The following PAPPA2 variants were observed in gnomAD, a reference collection of about 807,000 sequenced individuals.
PAPPA2 encodes pappalysin-2.
PAPPA2 carries 86 observed loss-of-function variants against 176.4 expected under a neutral mutation model. The observed-to-expected ratio is 0.49, with a 90% CI of 0.41 to 0.58. The LOEUF (loss-of-function observed/expected upper bound fraction) is 0.58. Among genes scored for constraint, PAPPA2 ranks in the 20% least tolerant of loss-of-function variants. PAPPA2 has a pLI of 0.00. For missense variants in PAPPA2, 2,073 were observed against 2,256.9 expected (o/e 0.92, Z 1.65); for synonymous variants, 809 against 852.2 (o/e 0.95, Z 0.88).
chr1:176,794,976 G>A (rs1665361127), intron 20 of PAPPA2, among the ~76,000 whole-genome samples: 1 of 152,132 alleles, frequency 6.6e-6, no homozygotes, highest in African/African-American at 2.4e-5. Flanking sequence ...TGAGCAGTGG[G>A]ACCTGGCAGT....
chr1:176,641,734 G>A (rs2102728538), intron 3 of PAPPA2, among the ~76,000 whole-genome samples: 1 of 151,858 alleles, frequency 6.6e-6, no homozygotes, highest in Admixed American at 6.6e-5. Flanking sequence ...CCTATTTTTT[G>A]ACCATGAAAT....
At position 176,556,713 on chromosome 1, in the gene PAPPA2, G is replaced by A. The variant is rs1248652745; in HGVS notation, c.391G>A (p.Gly131Arg). 6 of 1,614,138 alleles carry A rather than the reference G, an allele frequency of 3.7e-6. No individual in the cohort carries two copies. The highest frequency in any genetic ancestry group is 5.1e-6 in the Non-Finnish European group (6 of 1,179,964). ...TGAAGAGCCGGCTGCCCCATGGGTA[G>A]GGGATAGTCCTATTGGGCAATCTGA... Reference protein sequence around the residue: ...AVEEPAAPWVGDSPIGQSELL... With the variant: ...AVEEPAAPWVRDSPIGQSELL... Residue 131 changes from glycine (G) to arginine (R), a missense_variant, in exon 2 of 23, where the codon GGG (glycine) becomes AGG (arginine). Gly to Arg is a moderately radical substitution (Grantham distance 125). Transcript: ENST00000367662.
intron 17 of PAPPA2, among the ~76,000 whole-genome samples, chr1:176,778,663 T>C (rs889859531): frequency 6.6e-6 from 1 of 152,222 alleles, no homozygotes; most frequent in Non-Finnish European, 1.5e-5. Context: ...GCCTATACAT[T>C]AATGAATAGG....
At chr1:176,467,722 C>A (rs997321793) in intron 1 of PAPPA2, among the ~76,000 whole-genome samples, 2 of 152,188 alleles carry the variant, frequency 1.3e-5, no homozygotes, top group African/African-American at 4.8e-5. Context: ...TTTATAAGGT[C>A]ACTAATTTGG....
chr1:176,746,387 C>T (rs1043315082), intron 14 of PAPPA2, among the ~76,000 whole-genome samples: 2 of 152,036 alleles, frequency 1.3e-5, no homozygotes, highest in African/African-American at 2.4e-5. Flanking sequence ...TTCCTGGCTT[C>T]AATACTGTTT....
At chr1:176,472,897 A>G (rs1227063880) in intron 1 of PAPPA2, among the ~76,000 whole-genome samples, 1 of 152,164 alleles carries the variant, frequency 6.6e-6, no homozygotes, top group African/African-American at 2.4e-5. Context: ...TTACATTAAT[A>G]GCAAAATTGA....
chr1:176,602,713 C>CAA (rs942903920), intron 3 of PAPPA2, among the ~76,000 whole-genome samples: 1 of 146,702 alleles, frequency 6.8e-6, no homozygotes, highest in East Asian at 2.0e-4. Flanking sequence ...AACTAAACAG[C>CAA]AAAAAAAAAA....
At chr1:176,508,355 C>A (rs1363158643) in intron 1 of PAPPA2, among the ~76,000 whole-genome samples, 2 of 151,988 alleles carry the variant, frequency 1.3e-5, no homozygotes, top group Non-Finnish European at 2.9e-5. Context: ...AATTTAAAAA[C>A]AGCTATTGTA....
chr1:176,784,062 C>A (rs1274940411), intron 17 of PAPPA2, among the ~76,000 whole-genome samples: 1 of 152,196 alleles, frequency 6.6e-6, no homozygotes, highest in Non-Finnish European at 1.5e-5. Context: ...GCTGTGCGAA[C>A]ATTGGGTAAA....
chr1:176,775,216 G>A (rs1188122940), intron 17 of PAPPA2, among the ~76,000 whole-genome samples: 1 of 152,098 alleles, frequency 6.6e-6, no homozygotes, highest in Non-Finnish European at 1.5e-5. Flanking sequence ...TTAGCATCGT[G>A]TGCCCAGTGA....
chr1:176,615,244 A>G (rs971618240), intron 3 of PAPPA2, among the ~76,000 whole-genome samples: 7 of 152,208 alleles, frequency 4.6e-5, no homozygotes, highest in Non-Finnish European at 1.0e-4. Context: ...ATTAACTGTA[A>G]GACTTTTTTG....
chr1:176,481,763 G>A (rs1018085191), intron 1 of PAPPA2, among the ~76,000 whole-genome samples: 2 of 152,178 alleles, frequency 1.3e-5, no homozygotes, highest in African/African-American at 4.8e-5. Flanking sequence ...GGAGTGCAGT[G>A]CCGCGATCTC....
At chr1:176,666,628 A>G (rs1266710287) in intron 3 of PAPPA2, among the ~76,000 whole-genome samples, 1 of 149,496 alleles carries the variant, frequency 6.7e-6, no homozygotes. Context: ...AGAGAGAGAG[A>G]AAGAGAGAGA....
At chr1:176,501,878 C>G (rs1404145738) in intron 1 of PAPPA2, among the ~76,000 whole-genome samples, 1 of 152,114 alleles carries the variant, frequency 6.6e-6, no homozygotes. Context: ...TCCTCTGAAC[C>G]TTTTGCAATA....
intron 3 of PAPPA2, among the ~76,000 whole-genome samples, chr1:176,641,635 G>A (rs1233579091): frequency 6.6e-6 from 1 of 151,968 alleles, no homozygotes; most frequent in African/African-American, 2.4e-5. Flanking sequence ...GATGCCTCCA[G>A]CTTAGATTTT....
At chr1:176,765,170 T>C (rs1049758958) in intron 14 of PAPPA2, among the ~76,000 whole-genome samples, 2 of 152,224 alleles carry the variant, frequency 1.3e-5, no homozygotes, top group African/African-American at 4.8e-5. Flanking sequence ...TGCCTTTCTG[T>C]CACCTTAGAA....
chr1:176,769,174 G>A (rs569229874), intron 15 of PAPPA2, among the ~76,000 whole-genome samples: 1 of 152,288 alleles, frequency 6.6e-6, no homozygotes, highest in East Asian at 1.9e-4. Context: ...GAGAGAGTGG[G>A]GAGAATCAGC....
At chr1:176,627,008 C>T (rs377659444) in intron 3 of PAPPA2, among the ~76,000 whole-genome samples, 2 of 150,726 alleles carry the variant, frequency 1.3e-5, no homozygotes, top group Non-Finnish European at 2.9e-5. Flanking sequence ...CAGGCCAAGT[C>T]GACATGCCCG....
intron 21 of PAPPA2, among the ~76,000 whole-genome samples, chr1:176,808,040 G>T (rs1296982215): frequency 1.3e-5 from 2 of 152,052 alleles, no homozygotes; most frequent in South Asian, 2.1e-4. Context: ...ATTACTACAT[G>T]CTCTGTTGAT....
Sources: gnomAD v4.1 joint callset for allele counts (sites outside exome capture counted in the v4.1 genomes callset) on GRCh38, gnomAD v4.1.1 for gene constraint, MANE v1.5 for transcripts, NCBI Gene and HGNC (gene_info 2026-07-23, HGNC 2026-07-21) for gene names.